Variants in IKZF3 observed in about 807,000 individuals in gnomAD.
IKZF3 encodes the protein zinc finger protein Aiolos.
A neutral mutation model predicts 49.0 loss-of-function variants in IKZF3; 10 were observed. The observed-to-expected ratio is 0.20, with a 90% CI of 0.13 to 0.35. IKZF3 has a LOEUF of 0.35. Among genes scored for constraint, IKZF3 ranks in the 10% least tolerant of loss-of-function variants. The pLI is 1.00. For synonymous variants in IKZF3, 209 were observed against 228.2 expected, an observed-to-expected ratio of 0.92 and a Z score of 0.76; for missense variants, 498 against 664.8, an observed-to-expected ratio of 0.75 and a Z score of 2.76.
intron 3 of IKZF3, among the ~76,000 whole-genome samples, chr17:39,825,478 G>C (rs775989212): frequency 7.9e-5 from 12 of 152,184 alleles, no homozygotes; most frequent in Non-Finnish European, 1.0e-4. Context: ...GGCAGGGCTG[G>C]GTAAACAGTT....
chr17:39,793,694 G>A (rs1045247556), intron 3 of IKZF3, among the ~76,000 whole-genome samples: 10 of 152,214 alleles, frequency 6.6e-5, no homozygotes, highest in African/African-American at 2.2e-4. Flanking sequence ...CTAAACTCAA[G>A]GACTCAAGGA....
chr17:39,818,501 G>A (rs1052740152), intron 3 of IKZF3, among the ~76,000 whole-genome samples: 2 of 152,168 alleles, frequency 1.3e-5, no homozygotes, highest in African/African-American at 4.8e-5. Flanking sequence ...CCGCAGAGAA[G>A]GGGGACTACT....
intron 1 of IKZF3, among the ~76,000 whole-genome samples, chr17:39,837,719 A>G (rs576733601): frequency 6.6e-6 from 1 of 152,052 alleles, no homozygotes; most frequent in South Asian, 2.1e-4. Context: ...GCTCACTGCA[A>G]GCTCTGCCTC....
chr17:39,835,542 T>A (rs1381085690), intron 1 of IKZF3: 1 of 431,672 alleles, frequency 2.3e-6, no homozygotes, highest in East Asian at 5.7e-5. Context: ...GGTCTGCAGC[T>A]CCTCATACTT....
intron 1 of IKZF3, among the ~76,000 whole-genome samples, chr17:39,839,064 C>T (rs1178280039): frequency 1.3e-5 from 2 of 151,936 alleles, no homozygotes; most frequent in Non-Finnish European, 2.9e-5. Context: ...CTCCTGGCCT[C>T]AAGGAATCCT....
chr17:39,765,468 A>C lies in IKZF3; in HGVS notation c.*322T>G. 4.7e-6 allele frequency: 1 copy of C among 211,370 alleles called. No individual in the cohort carries two copies. Among genetic ancestry groups the C allele is most frequent in the South Asian group, 1.2e-4 (1 of 8,184 alleles). The allele number at this position is 211,370 out of a possible 1,614,324, so 13.1% of individuals were successfully genotyped here. A position where few individuals can be genotyped will look rare whatever the true frequency, so the allele number is the denominator to read the frequency against. On this transcript the variant is annotated 3_prime_UTR_variant, in exon 8 of 8. Transcript: ENST00000346872. ...GTGTGGTTGATATATCTCAGAAAGAATGTTTCATATAGCACATCTCCGGGA... is the reference window on the plus strand; with the variant it reads ...GTGTGGTTGATATATCTCAGAAAGACTGTTTCATATAGCACATCTCCGGGA...
intron 1 of IKZF3, among the ~76,000 whole-genome samples, 179 bp from the exon 2 acceptor site, chr17:39,832,330 A>T (rs919940411): frequency 1.3e-5 from 2 of 152,092 alleles, no homozygotes; most frequent in Non-Finnish European, 2.9e-5. Flanking sequence ...ATGAAAAAAA[A>T]ATATTGATGC....
rs2060103829 is a variant in IKZF3, at chr17:39,758,035, C to T, written c.*7755G>A. 6.6e-6 allele frequency: 1 copy of T among 152,190 alleles called. No homozygotes were observed. The highest frequency in any genetic ancestry group is 2.4e-5 in the African/African-American group (1 of 41,440). 9.4% of individuals were successfully genotyped at this position (152,190 alleles called of 1,614,324 possible). On this transcript the variant is annotated 3_prime_UTR_variant, in exon 8 of 8. Transcript: ENST00000346872. ...TCAAAACCCAGGGCAAGGGCTCCCT[C>T]CCGCCTTCCCTCCCAGTGGGAAGGC...
At chr17:39,793,840 A>G (rs1380971046) in intron 3 of IKZF3, among the ~76,000 whole-genome samples, 1 of 152,258 alleles carries the variant, frequency 6.6e-6, no homozygotes, top group East Asian at 1.9e-4. Flanking sequence ...AGAGCATAAG[A>G]ACATATGAAG....
In IKZF3 at chr17:39,832,094, T is replaced by C. The variant is rs1429383188; in HGVS notation, c.61+4A>G. ...ATTTCCAGAGAGGAAAGACCTGATGTTACCTGCGGGCACAGACTGCTCCTG... is the reference window on the plus strand; with the variant it reads ...ATTTCCAGAGAGGAAAGACCTGATGCTACCTGCGGGCACAGACTGCTCCTG... On this transcript the variant is annotated splice_donor_region_variant and intron_variant, in intron 2 of 7. Coordinates refer to ENST00000346872, the MANE Select transcript of IKZF3 (RefSeq NM_012481.5). The C allele has an allele frequency of 8.7e-6, 14 of 1,608,078 alleles. No homozygotes were observed. The highest frequency in any genetic ancestry group is 1.3e-5 in the African/African-American group (1 of 74,770).
intron 7 of IKZF3, among the ~76,000 whole-genome samples, chr17:39,767,570 T>C (rs956156013): frequency 2.6e-5 from 4 of 152,116 alleles, no homozygotes; most frequent in Non-Finnish European, 5.9e-5. Flanking sequence ...CCTTCTATAA[T>C]GTTTCCTAGT....
intron 3 of IKZF3, among the ~76,000 whole-genome samples, chr17:39,801,648 G>A (rs1011871593): frequency 3.3e-5 from 5 of 152,212 alleles, no homozygotes; most frequent in South Asian, 4.1e-4. Flanking sequence ...ACACTGAAAC[G>A]ATGGGTCATT....
At chr17:39,829,517 T>C (rs1456407468) in intron 2 of IKZF3, 29 bp from the exon 3 acceptor site, 2 of 1,478,358 alleles carry the variant, frequency 1.4e-6, no homozygotes, top group Non-Finnish European at 1.9e-6. Flanking sequence ...TTTAAGTATG[T>C]GGTTCAACGT....
intron 1 of IKZF3, among the ~76,000 whole-genome samples, chr17:39,860,717 C>G (rs573286597): frequency 1.2e-4 from 18 of 152,216 alleles, no homozygotes; most frequent in Admixed American, 3.9e-4. Context: ...CTGATGACCC[C>G]AAAATGGGGA....
At chr17:39,772,987 TG>T (rs1320173994) in intron 7 of IKZF3, among the ~76,000 whole-genome samples, 3 of 152,174 alleles carry the variant, frequency 2.0e-5, no homozygotes, top group African/African-American at 7.2e-5. Flanking sequence ...GGCTAATTTT[TG>T]TATTTTTAGT....
rs1568032940 is a variant in IKZF3, at chr17:39,829,549, T to C, written c.62-61A>G. On this transcript the variant is annotated intron_variant, in intron 2 of 7. Coordinates refer to ENST00000346872, the MANE Select transcript of IKZF3 (RefSeq NM_012481.5). ...ACGTTAAAGGATTTTTATAAATATATATTAAGTAGACCCCCATTTAACTTT... is the reference window on the plus strand; with the variant it reads ...ACGTTAAAGGATTTTTATAAATATACATTAAGTAGACCCCCATTTAACTTT... 7 of 1,109,246 alleles carry C rather than the reference T, an allele frequency of 6.3e-6. No homozygotes were observed. The South Asian group carries it at 6.5e-5, about 10-fold the overall frequency. The allele number at this position is 1,109,246 out of a possible 1,614,324, so 68.7% of individuals were successfully genotyped here.
At chr17:39,781,808 C>T (rs1002848071) in intron 6 of IKZF3, among the ~76,000 whole-genome samples, 6 of 152,224 alleles carry the variant, frequency 3.9e-5, no homozygotes, top group African/African-American at 1.4e-4. Flanking sequence ...ACCCACCAAA[C>T]TGGTCTTTAG....
chr17:39,845,356 T>C (rs1568055285), intron 1 of IKZF3, among the ~76,000 whole-genome samples: 2 of 151,152 alleles, frequency 1.3e-5, no homozygotes, highest in East Asian at 1.9e-4. Flanking sequence ...CCCGTCTTTA[T>C]AAAAAAATAC....
chr17:39,856,022 T>TAC (rs1443919655), intron 1 of IKZF3, among the ~76,000 whole-genome samples: 1 of 147,602 alleles, frequency 6.8e-6, no homozygotes, highest in East Asian at 1.9e-4. Context: ...ATGTATATTG[T>TAC]ATATGTACAA....
Sources: allele counts gnomAD v4.1 joint callset (sites outside exome capture counted in the v4.1 genomes callset), GRCh38; gene constraint gnomAD v4.1.1; transcripts MANE v1.5; gene names NCBI Gene and HGNC (gene_info 2026-07-23, HGNC 2026-07-21).